Variants in PTPRD observed in about 807,000 individuals in gnomAD.
The protein encoded by PTPRD is receptor-type tyrosine-protein phosphatase delta.
In PTPRD, 34 loss-of-function variants were observed where a neutral mutation model predicts 214.5. That is an observed-to-expected ratio of 0.16 (90% CI 0.12 to 0.21). The LOEUF is 0.21. Ranked by LOEUF, PTPRD falls within the 10% of genes least tolerant of loss-of-function variation. The pLI is 1.00. For synonymous variants in PTPRD, 1,128 were observed against 845.7 expected (o/e 1.33, Z -5.79); for missense variants, 2,545 against 2,398.7 (o/e 1.06, Z -1.27).
intron 13 of PTPRD, 116 bp downstream of exon 13, chr9:8,636,583 G>A: frequency 2.4e-6 from 3 of 1,263,474 alleles, no homozygotes; most frequent in Non-Finnish European, 3.3e-6. Context: ...TGCAATGTAA[G>A]GAATACCATA....
intron 2 of PTPRD, chr9:10,532,136 A>T (rs1275091291): frequency 2.0e-5 from 3 of 152,168 alleles, no homozygotes; most frequent in Non-Finnish European, 2.9e-5. Context: ...ATAAGATTTT[A>T]GATTACTTCA....
intron 2 of PTPRD, among the ~76,000 whole-genome samples, chr9:10,361,201 C>G (rs962206158): frequency 1.3e-4 from 20 of 152,142 alleles, no homozygotes; most frequent in Admixed American, 1.3e-4. Flanking sequence ...ATTAAAATTT[C>G]TATATTGTAT....
chr9:10,549,263 T>C (rs1300011850), intron 2 of PTPRD, among the ~76,000 whole-genome samples: 1 of 152,142 alleles, frequency 6.6e-6, no homozygotes, highest in Non-Finnish European at 1.5e-5. Context: ...CAATGTTGTG[T>C]CAAATAACCC....
intron 12 of PTPRD, among the ~76,000 whole-genome samples, chr9:8,689,597 G>C (rs2097761964): frequency 1.3e-5 from 2 of 152,158 alleles, no homozygotes; most frequent in Non-Finnish European, 1.5e-5. Context: ...CATGAGAATA[G>C]TATGGGGAAA....
intron 2 of PTPRD, among the ~76,000 whole-genome samples, chr9:10,527,942 T>C (rs571206628): frequency 2.0e-5 from 3 of 152,134 alleles, no homozygotes; most frequent in African/African-American, 7.2e-5. Context: ...TTATATACAC[T>C]ATATTCTAAA....
At chr9:10,131,451 G>C (rs2098882815) in intron 3 of PTPRD, among the ~76,000 whole-genome samples, 1 of 152,054 alleles carries the variant, frequency 6.6e-6, no homozygotes, top group Non-Finnish European at 1.5e-5. Flanking sequence ...ATTATTTTCA[G>C]TCTTTGAAGT....
At chr9:9,329,609 C>G (rs959669068) in intron 9 of PTPRD, among the ~76,000 whole-genome samples, 1 of 152,130 alleles carries the variant, frequency 6.6e-6, no homozygotes, top group Non-Finnish European at 1.5e-5. Flanking sequence ...GAAAAACCTT[C>G]TATCTTCTGT....
At chr9:9,542,665 C>T (rs2077875541) in intron 8 of PTPRD, among the ~76,000 whole-genome samples, 1 of 151,624 alleles carries the variant, frequency 6.6e-6, no homozygotes, top group South Asian at 2.1e-4. Context: ...AGAATAGGCA[C>T]ATCCTAAAAG....
intron 5 of PTPRD, among the ~76,000 whole-genome samples, chr9:9,935,722 A>G (rs1355586592): frequency 7.8e-5 from 11 of 141,244 alleles, no homozygotes; most frequent in Non-Finnish European, 1.5e-4. Context: ...ATTGGAAAAA[A>G]CTACTTTAAA....
chr9:10,220,661 T>TTCATAGGAGCA (rs1295283601), intron 3 of PTPRD, among the ~76,000 whole-genome samples: 6 of 151,854 alleles, frequency 4.0e-5, no homozygotes, highest in African/African-American at 1.4e-4. Context: ...ATCCTAAAAC[T>TTCATAGGAGCA]TCATAGGAGC....
chr9:8,819,085 A>T (rs1225893011), intron 11 of PTPRD, among the ~76,000 whole-genome samples: 1 of 152,222 alleles, frequency 6.6e-6, no homozygotes, highest in African/African-American at 2.4e-5. Flanking sequence ...AACTTTCAAA[A>T]TTAAAAACAT....
chr9:10,185,741 GT>G lies in PTPRD; in HGVS notation c.-544-151952del, dbSNP rs918127358. On this transcript the variant is annotated intron_variant, in intron 3 of 45. Transcript: ENST00000381196. Reference sequence around the variant, plus strand: ...ACATACATTCACTGTAGAACCAGCGGTTTTTTTTTTCCCTGTTGTTGTTACT... The same window carrying G: ...ACATACATTCACTGTAGAACCAGCGGTTTTTTTTTCCCTGTTGTTGTTACT... 3.8e-3 allele frequency among the ~76,000 whole-genome samples: 564 copies of G among 149,534 alleles called. 4 individuals are homozygous for G. The highest frequency in any genetic ancestry group is 0.013 in the African/African-American group (517 of 40,876).
At chr9:9,487,166 T>G (rs983318115) in intron 8 of PTPRD, among the ~76,000 whole-genome samples, 1 of 152,030 alleles carries the variant, frequency 6.6e-6, no homozygotes, top group Non-Finnish European at 1.5e-5. Flanking sequence ...CCCATTAACT[T>G]GTCATTTAGC....
At chr9:9,486,183 A>AAAG (rs2095627729) in intron 8 of PTPRD, among the ~76,000 whole-genome samples, 1 of 135,778 alleles carries the variant, frequency 7.4e-6, no homozygotes, top group East Asian at 2.0e-4. Context: ...AAAAAAAAAA[A>AAAG]AAGCCTTCCC....
chr9:9,198,047 G>T (rs1569561319), intron 9 of PTPRD, among the ~76,000 whole-genome samples: 1 of 152,280 alleles, frequency 6.6e-6, no homozygotes, highest in East Asian at 1.9e-4. Flanking sequence ...AAAGGCTACT[G>T]AGAATTTTTA....
chr9:10,506,323 T>C (rs1260901062), intron 2 of PTPRD, among the ~76,000 whole-genome samples: 1 of 152,144 alleles, frequency 6.6e-6, no homozygotes, highest in Non-Finnish European at 1.5e-5. Context: ...TTTATAAAAA[T>C]AGGACATTTG....
chr9:8,353,293 A>T (rs1447996387), intron 39 of PTPRD, among the ~76,000 whole-genome samples: 1 of 151,944 alleles, frequency 6.6e-6, no homozygotes, highest in Non-Finnish European at 1.5e-5. Flanking sequence ...TGTTTGCAAC[A>T]CCCTAGCAAC....
intron 8 of PTPRD, among the ~76,000 whole-genome samples, chr9:9,499,812 CATTT>C (rs2096342657): frequency 2.0e-5 from 3 of 152,084 alleles, no homozygotes; most frequent in African/African-American, 7.2e-5. Flanking sequence ...TTCTTTCCTT[CATTT>C]GACACTGTCT....
rs543541102 is a variant in PTPRD, at chr9:8,709,398, C to T, written c.64+24382G>A. ...TGCCTGGTGGCAGGCACCTGTAGTC[C>T]CAGCTACTCGGGAGGCTGAGGCAGG... On this transcript the variant is annotated intron_variant, in intron 12 of 45. Transcript: ENST00000381196. 9.2e-4 allele frequency among the ~76,000 whole-genome samples: 140 copies of T among 151,352 alleles called. 2 individuals carry two copies. The South Asian group carries it at 0.028, about 30-fold the overall frequency.
Sources: gnomAD v4.1 joint callset for allele counts (sites outside exome capture counted in the v4.1 genomes callset) on GRCh38, gnomAD v4.1.1 for gene constraint, MANE v1.5 for transcripts, NCBI Gene and HGNC (gene_info 2026-07-23, HGNC 2026-07-21) for gene names.